The following STK32B variants were observed in gnomAD, a reference collection of about 807,000 sequenced individuals.
The protein encoded by STK32B is serine/threonine kinase 32B, also known as serine/threonine-protein kinase 32B.
Under a neutral mutation model 52.6 loss-of-function variants are expected in STK32B, and 43 were observed. The observed-to-expected ratio is 0.82, with a 90% CI of 0.64 to 1.05. STK32B has a LOEUF of 1.05. Ranked by LOEUF, STK32B falls within the 50% of genes least tolerant of loss-of-function variation. The pLI, the probability that STK32B is intolerant of heterozygous loss-of-function variation, is 0.00. For synonymous variants in STK32B, 238 were observed against 204.3 expected, an observed-to-expected ratio of 1.17 and a Z score of -1.41; for missense variants, 621 against 534.6, an observed-to-expected ratio of 1.16 and a Z score of -1.59.
chr4:5,144,088 C>T (rs1314303423), intron 2 of STK32B, among the ~76,000 whole-genome samples: 3 of 152,114 alleles, frequency 2.0e-5, no homozygotes, highest in Admixed American at 6.5e-5. Context: ...ACACATTGGG[C>T]GGACACAAAT....
At chr4:5,150,216 A>G (rs569630914) in intron 2 of STK32B, among the ~76,000 whole-genome samples, 1 of 152,208 alleles carries the variant, frequency 6.6e-6, no homozygotes, top group African/African-American at 2.4e-5. Flanking sequence ...TGACTTAAAA[A>G]AATAGTTTTT....
chr4:5,319,769 G>C (rs1243303378), intron 3 of STK32B, among the ~76,000 whole-genome samples: 2 of 152,280 alleles, frequency 1.3e-5, no homozygotes, highest in East Asian at 3.9e-4. Context: ...TGTCTTCTCA[G>C]AATCCCTGGG....
At chr4:5,040,773 G>T in the STK32B span, among the ~76,000 whole-genome samples, 2 of 152,258 alleles carry the variant, frequency 1.3e-5, no homozygotes, top group African/African-American at 4.8e-5. Flanking sequence ...CTTCACCATG[G>T]GACATGGTCT....
rs1345453461 is a variant in STK32B at position 5,190,212 on chromosome 4, A to AG, written c.260+21765dup. ...CCTCTGATTCAGGGTAAGTTTGTGA[A>AG]GGGAAGGAAAGGAAGTAACCTTGTA... On this transcript the variant is annotated intron_variant, in intron 3 of 11. Coordinates refer to ENST00000282908, the MANE Select transcript of STK32B (RefSeq NM_018401.3). 2.0e-5 allele frequency among the ~76,000 whole-genome samples: 3 copies of AG among 152,172 alleles called. No homozygotes were observed. The East Asian group carries it at 5.8e-4, about 29-fold the overall frequency.
chr4:5,250,944 G>A (rs1403275753), intron 3 of STK32B, among the ~76,000 whole-genome samples: 1 of 152,156 alleles, frequency 6.6e-6, no homozygotes, highest in African/African-American at 2.4e-5. Flanking sequence ...GTTCCTTACA[G>A]ATCCTGGATA....
intron 1 of STK32B, among the ~76,000 whole-genome samples, chr4:5,064,813 T>C (rs1489193695): frequency 7.2e-6 from 1 of 139,606 alleles, no homozygotes; most frequent in Non-Finnish European, 1.5e-5. Context: ...GTTGTATACA[T>C]ATATAATATA....
intron 3 of STK32B, among the ~76,000 whole-genome samples, chr4:5,257,560 T>C (rs990767155): frequency 1.3e-5 from 2 of 152,220 alleles, no homozygotes; most frequent in African/African-American, 4.8e-5. Context: ...CTGCATCCTC[T>C]GCTCACAGCA....
At chr4:5,083,272 T>C (rs1415094061) in intron 1 of STK32B, among the ~76,000 whole-genome samples, 1 of 152,240 alleles carries the variant, frequency 6.6e-6, no homozygotes, top group Non-Finnish European at 1.5e-5. Context: ...TTTAGAAATC[T>C]ATATCCTCTT....
Position 5,051,788 on chromosome 4 carries a change from A to G in STK32B, c.-76A>G. On this transcript the variant is annotated 5_prime_UTR_variant, in exon 1 of 12. Transcript: ENST00000282908. ...ACTGGGCGCGCCCCCGGCATCCCGC[A>G]TCTCTGCGCGCGTCCCACATCCCGC... 6.5e-7 allele frequency: 1 copy of G among 1,545,150 alleles called. No individual in the cohort carries two copies. The highest frequency in any genetic ancestry group is 8.7e-7 in the Non-Finnish European group (1 of 1,143,812).
At chr4:5,434,045 G>A (rs1003567844) in intron 6 of STK32B, among the ~76,000 whole-genome samples, 1 of 152,166 alleles carries the variant, frequency 6.6e-6, no homozygotes, top group African/African-American at 2.4e-5. Context: ...TCAACCACTG[G>A]TAGAGATGGT....
chr4:5,373,910 C>T lies in STK32B; in HGVS notation c.435-24297C>T, dbSNP rs187355466. 3.3e-3 allele frequency among the ~76,000 whole-genome samples: 506 copies of T among 152,312 alleles called. 4 individuals carry two copies. The highest frequency in any genetic ancestry group is 0.012 in the African/African-American group (481 of 41,568). ...CTACCTACTGTAATTGAATTGTGTT[C>T]CCCCAAAAGTAATGTCCACCTGAGA... On this transcript the variant is annotated intron_variant, in intron 4 of 11. Coordinates refer to ENST00000282908, the MANE Select transcript of STK32B (RefSeq NM_018401.3).
chr4:5,132,925 A>C (rs1409346690), intron 1 of STK32B, among the ~76,000 whole-genome samples: 1 of 151,796 alleles, frequency 6.6e-6, no homozygotes, highest in East Asian at 1.9e-4. Flanking sequence ...CAGCCTCCCA[A>C]GTAGCTGGGA....
intron 6 of STK32B, among the ~76,000 whole-genome samples, chr4:5,444,069 G>GC (rs1715088444): frequency 6.6e-6 from 1 of 152,180 alleles, no homozygotes; most frequent in Non-Finnish European, 1.5e-5. Flanking sequence ...TCTGTGCCCT[G>GC]CCCCCAGAGG....
At position 5,483,304 on chromosome 4, in the gene STK32B, G is replaced by A. The variant is rs564407415; in HGVS notation, c.1106+15234G>A. Among the ~76,000 whole-genome samples, 981 of 151,688 alleles carry A rather than the reference G, an allele frequency of 6.5e-3. 14 individuals are homozygous for A. Among genetic ancestry groups the A allele is most frequent in the African/African-American group, 0.022 (892 of 41,022 alleles). ...TATTCAGAGATTCAACTTCTTCCTG[G>A]TTTAGTCTTGGGAGAGTGTATGTGT... On this transcript the variant is annotated intron_variant, in intron 11 of 11. Coordinates refer to ENST00000282908, the MANE Select transcript of STK32B (RefSeq NM_018401.3).
intron 3 of STK32B, among the ~76,000 whole-genome samples, chr4:5,172,399 G>C (rs1230473859): frequency 1.3e-5 from 2 of 152,018 alleles, no homozygotes; most frequent in Non-Finnish European, 2.9e-5. Context: ...TTTTCAAAGG[G>C]AATGCTTCCA....
chr4:5,274,005 C>G (rs780204212), intron 3 of STK32B, among the ~76,000 whole-genome samples: 7 of 151,382 alleles, frequency 4.6e-5, no homozygotes, highest in African/African-American at 1.2e-4. Flanking sequence ...AAAAAAGAAA[C>G]AAAAAAACAA....
chr4:5,224,080 A>G (rs1478994447), intron 3 of STK32B, among the ~76,000 whole-genome samples: 1 of 152,202 alleles, frequency 6.6e-6, no homozygotes, highest in African/African-American at 2.4e-5. Context: ...TCTGATTTAG[A>G]TGATATCTAG....
intron 4 of STK32B, among the ~76,000 whole-genome samples, chr4:5,360,832 A>C (rs763628857): frequency 6.6e-6 from 1 of 152,210 alleles, no homozygotes; most frequent in Non-Finnish European, 1.5e-5. Flanking sequence ...ACAACAACAA[A>C]AACAAAAGCT....
Position 5,058,221 on chromosome 4 carries a change from A to C in STK32B, c.52+6306A>C, listed in dbSNP as rs1219392378. 6.6e-6 allele frequency among the ~76,000 whole-genome samples: 1 copy of C among 152,226 alleles called. No individual in the cohort carries two copies. The highest frequency in any genetic ancestry group is 6.5e-5 in the Admixed American group (1 of 15,286). ...CATTATCCTGTTTCAACGTGGGAACATTATCACTGTTCACCAACATCCTGT... is the reference window on the plus strand; with the variant it reads ...CATTATCCTGTTTCAACGTGGGAACCTTATCACTGTTCACCAACATCCTGT... On this transcript the variant is annotated intron_variant, in intron 1 of 11. Transcript: ENST00000282908. The surrounding 1 kb of genome is among the most constrained non-coding windows in gnomAD (Gnocchi z 4.8).
Sources: allele counts gnomAD v4.1 joint callset (sites outside exome capture counted in the v4.1 genomes callset), GRCh38; gene constraint gnomAD v4.1.1; non-coding constraint Gnocchi (gnomAD v3.1); transcripts MANE v1.5; gene names NCBI Gene and HGNC (gene_info 2026-07-23, HGNC 2026-07-21).